RBFOX1: variants seen among roughly 807,000 people sequenced by gnomAD.
The protein encoded by RBFOX1 is RNA binding protein fox-1 homolog 1.
In RBFOX1, 8 loss-of-function variants were observed where a neutral mutation model predicts 57.7. The ratio of observed to expected loss-of-function variants is 0.14; its 90% CI spans 0.08 to 0.25. The LOEUF is 0.25. Among genes scored for constraint, RBFOX1 ranks in the 10% least tolerant of loss-of-function variants. The probability of loss-of-function intolerance (pLI) is 1.00; values close to 1 mark genes in which losing one functional copy is unlikely to be tolerated. For synonymous variants in RBFOX1, 326 were observed against 222.4 expected (o/e 1.47, Z -4.15); for missense variants, 611 against 548.5 (o/e 1.11, Z -1.14).
At chr16:5,905,436 G>A (rs908185296) in intron 4 of RBFOX1, among the ~76,000 whole-genome samples, 1 of 152,116 alleles carries the variant, frequency 6.6e-6, no homozygotes, top group Non-Finnish European at 1.5e-5. Flanking sequence ...AGAAGGCCAG[G>A]CGCAGTGGCT....
At chr16:6,767,221 C>G (rs2077461438) in intron 3 of RBFOX1, among the ~76,000 whole-genome samples, 1 of 152,030 alleles carries the variant, frequency 6.6e-6, no homozygotes, top group South Asian at 2.1e-4. Flanking sequence ...AACTCCAATT[C>G]CCAGCCACAG....
At chr16:7,030,688 CTG>C (rs1256381289) in intron 3 of RBFOX1, among the ~76,000 whole-genome samples, 2 of 152,182 alleles carry the variant, frequency 1.3e-5, no homozygotes, top group African/African-American at 4.8e-5. Context: ...TCTGTAAAGA[CTG>C]TATTTCCAAA....
At chr16:6,513,442 G>C (rs903008276) in intron 2 of RBFOX1, among the ~76,000 whole-genome samples, 1 of 152,102 alleles carries the variant, frequency 6.6e-6, no homozygotes, top group Non-Finnish European at 1.5e-5. Flanking sequence ...TAAAAGTTTG[G>C]AGACCATGAG....
intron 2 of RBFOX1, among the ~76,000 whole-genome samples, chr16:6,402,108 A>G (rs2152954645): frequency 6.6e-6 from 1 of 151,830 alleles, no homozygotes; most frequent in Admixed American, 6.6e-5. Context: ...AAAAAAAAAA[A>G]GCATTTTCTT....
At chr16:6,011,095 TTAAAG>T (rs2094958576) in intron 4 of RBFOX1, among the ~76,000 whole-genome samples, 2 of 152,218 alleles carry the variant, frequency 1.3e-5, no homozygotes, top group South Asian at 2.1e-4. Context: ...AGACTAGGAC[TTAAAG>T]TTAAGTGCAT....
At chr16:6,276,502 C>T (rs1234056659) in intron 1 of RBFOX1, among the ~76,000 whole-genome samples, 2 of 152,034 alleles carry the variant, frequency 1.3e-5, no homozygotes, top group Non-Finnish European at 2.9e-5. Context: ...CCATGCCCAG[C>T]GAATATTTTT....
At chr16:6,257,134 G>A (rs2097672818) in intron 1 of RBFOX1, among the ~76,000 whole-genome samples, 1 of 152,058 alleles carries the variant, frequency 6.6e-6, no homozygotes, top group Non-Finnish European at 1.5e-5. Flanking sequence ...TAAGTTCCAG[G>A]ATACATGTGC....
intron 1 of RBFOX1, among the ~76,000 whole-genome samples, chr16:5,305,451 T>A (rs936717146): frequency 1.3e-5 from 2 of 152,116 alleles, no homozygotes; most frequent in East Asian, 3.9e-4. Flanking sequence ...GCTGTTTTCA[T>A]CTCATCTCTA....
intron 2 of RBFOX1, among the ~76,000 whole-genome samples, chr16:5,481,934 C>T (rs527667532): frequency 6.6e-6 from 1 of 152,292 alleles, no homozygotes; most frequent in African/African-American, 2.4e-5. Context: ...ACTTTAGTTA[C>T]TTCTTTAAAG....
At chr16:5,767,639 A>G (rs756975716) in intron 3 of RBFOX1, among the ~76,000 whole-genome samples, 5 of 151,952 alleles carry the variant, frequency 3.3e-5, no homozygotes, top group Non-Finnish European at 7.4e-5. Flanking sequence ...TTGCCAGGAC[A>G]TTCTTGATGT....
At chr16:5,705,123 G>A (rs1273275188) in intron 3 of RBFOX1, among the ~76,000 whole-genome samples, 1 of 152,104 alleles carries the variant, frequency 6.6e-6, no homozygotes, top group Non-Finnish European at 1.5e-5. Flanking sequence ...TAAAGATAGG[G>A]TAAAATAAAT....
At chr16:5,883,094 G>A (rs893468614) in intron 4 of RBFOX1, among the ~76,000 whole-genome samples, 2 of 152,076 alleles carry the variant, frequency 1.3e-5, no homozygotes, top group Admixed American at 6.5e-5. Context: ...AGAAAATTGG[G>A]TACTTGAATC....
At chr16:6,978,816 A>G (rs538673153) in intron 3 of RBFOX1, among the ~76,000 whole-genome samples, 12 of 152,264 alleles carry the variant, frequency 7.9e-5, no homozygotes, top group Admixed American at 5.9e-4. Flanking sequence ...CATTGCCTAT[A>G]TCGGGTAACA....
At chr16:6,201,511 C>G (rs999541725) in intron 1 of RBFOX1, among the ~76,000 whole-genome samples, 6 of 152,030 alleles carry the variant, frequency 3.9e-5, no homozygotes, top group Admixed American at 2.0e-4. Context: ...TTGCCAGAGG[C>G]TGAGAAGGGT....
At chr16:6,713,106 T>C (rs1484321200) in intron 3 of RBFOX1, among the ~76,000 whole-genome samples, 1 of 152,000 alleles carries the variant, frequency 6.6e-6, no homozygotes, top group Admixed American at 6.6e-5. Flanking sequence ...CTTTATAAAT[T>C]ACCCAGTCTC....
intron 4 of RBFOX1, among the ~76,000 whole-genome samples, chr16:7,352,592 G>A (rs572226938): frequency 1.3e-5 from 2 of 152,226 alleles, no homozygotes; most frequent in South Asian, 4.2e-4. Context: ...TCCTGGCCTT[G>A]CCTTCAGAAA....
At chr16:6,100,165 G>T (rs57103482) in intron 1 of RBFOX1, among the ~76,000 whole-genome samples, 14,904 of 149,674 alleles carry the variant, frequency 0.1, 2,380 homozygotes, top group African/African-American at 0.34. Context: ...GTTTTTTTTT[G>T]TTGTTGTTGT....
intron 3 of RBFOX1, among the ~76,000 whole-genome samples, chr16:5,748,448 G>T (rs1366473309): frequency 1.3e-5 from 2 of 152,102 alleles, no homozygotes; most frequent in African/African-American, 4.8e-5. Flanking sequence ...TTCGTCTCGT[G>T]GATCTGTCTA....
chr16:5,395,741 C>G (rs190399498), intron 1 of RBFOX1, among the ~76,000 whole-genome samples: 1 of 152,316 alleles, frequency 6.6e-6, no homozygotes, highest in African/African-American at 2.4e-5. Flanking sequence ...AATAAAACTC[C>G]ATCTTCCCAG....
Sources: gnomAD v4.1 joint callset for allele counts (sites outside exome capture counted in the v4.1 genomes callset) on GRCh38, gnomAD v4.1.1 for gene constraint, MANE v1.5 for transcripts, NCBI Gene and HGNC (gene_info 2026-07-23, HGNC 2026-07-21) for gene names.